PTPRM: variants seen among roughly 807,000 people sequenced by gnomAD.
The protein encoded by PTPRM is receptor-type tyrosine-protein phosphatase mu.
Under a neutral mutation model 186.7 loss-of-function variants are expected in PTPRM, and 47 were observed. That is an observed-to-expected ratio of 0.25 (90% CI 0.20 to 0.32). The LOEUF is 0.32. PTPRM is among the 10% of genes least tolerant of loss of function. The pLI, the probability that PTPRM is intolerant of heterozygous loss-of-function variation, is 1.00. For missense variants in PTPRM, 1,494 were observed against 1,865.0 expected, an observed-to-expected ratio of 0.80 and a Z score of 3.66; for synonymous variants, 668 against 674.9, an observed-to-expected ratio of 0.99 and a Z score of 0.16.
chr18:8,363,072 C>T (rs529445162), intron 23 of PTPRM, among the ~76,000 whole-genome samples: 19 of 152,326 alleles, frequency 1.2e-4, no homozygotes, highest in Non-Finnish European at 1.5e-4. Context: ...GCTTGTCATG[C>T]GCTTTCAGGG....
chr18:7,840,670 G>C (rs727951), intron 2 of PTPRM, among the ~76,000 whole-genome samples: 3 of 152,004 alleles, frequency 2.0e-5, no homozygotes, highest in Non-Finnish European at 1.5e-5. Context: ...GAAATGTGCC[G>C]TCAGTGACTA....
chr18:7,716,415 A>T (rs1339806404), intron 1 of PTPRM, among the ~76,000 whole-genome samples: 1 of 152,234 alleles, frequency 6.6e-6, no homozygotes, highest in Non-Finnish European at 1.5e-5. Flanking sequence ...ACCATTCAGG[A>T]CAGAGGCATG....
chr18:8,294,468 G>T (rs1313706704), intron 19 of PTPRM, among the ~76,000 whole-genome samples: 2 of 152,114 alleles, frequency 1.3e-5, no homozygotes, highest in East Asian at 3.9e-4. Flanking sequence ...AATCTCATGA[G>T]AACTCACTAT....
intron 7 of PTPRM, among the ~76,000 whole-genome samples, chr18:7,975,694 C>T (rs1218425584): frequency 5.3e-5 from 8 of 152,158 alleles, no homozygotes; most frequent in Non-Finnish European, 8.8e-5. Flanking sequence ...CAAATACTCT[C>T]ATTGTGTTAC....
intron 1 of PTPRM, among the ~76,000 whole-genome samples, chr18:7,685,024 A>G (rs1267137785): frequency 6.6e-6 from 1 of 152,230 alleles, no homozygotes; most frequent in Admixed American, 6.5e-5. Flanking sequence ...TGTGCCATCT[A>G]ACAACATGGC....
intron 20 of PTPRM, among the ~76,000 whole-genome samples, chr18:8,301,005 C>G (rs1373157739): frequency 6.6e-6 from 1 of 152,122 alleles, no homozygotes; most frequent in African/African-American, 2.4e-5. Context: ...ATTACCATCC[C>G]CTGCCTAAAA....
chr18:7,729,207 C>T (rs1483288589), intron 1 of PTPRM, among the ~76,000 whole-genome samples: 2 of 152,158 alleles, frequency 1.3e-5, no homozygotes, highest in African/African-American at 2.4e-5. Context: ...CACACTGGCC[C>T]CCTCCAACTT....
At chr18:7,689,780 T>C (rs2039693665) in intron 1 of PTPRM, among the ~76,000 whole-genome samples, 1 of 152,378 alleles carries the variant, frequency 6.6e-6, no homozygotes, top group South Asian at 2.1e-4. Flanking sequence ...CTCGTTAAGA[T>C]GGTAATAAGT....
At chr18:7,727,655 C>A (rs1300487759) in intron 1 of PTPRM, among the ~76,000 whole-genome samples, 1 of 152,214 alleles carries the variant, frequency 6.6e-6, no homozygotes, top group Non-Finnish European at 1.5e-5. Context: ...ATTATCATTT[C>A]TCCCAAATTT....
chr18:8,328,968 A>T (rs532444954), intron 22 of PTPRM, among the ~76,000 whole-genome samples: 39 of 152,364 alleles, frequency 2.6e-4, no homozygotes, highest in African/African-American at 9.4e-4. Flanking sequence ...AAGTTAAAAG[A>T]TGAAGTAAAA....
intron 1 of PTPRM, among the ~76,000 whole-genome samples, chr18:7,676,432 T>G (rs1041333912): frequency 6.6e-6 from 1 of 152,238 alleles, no homozygotes; most frequent in African/African-American, 2.4e-5. Flanking sequence ...TGACTTATAC[T>G]GTGTTCAGCT....
At chr18:8,271,480 A>G (rs922378985) in intron 19 of PTPRM, among the ~76,000 whole-genome samples, 8 of 151,974 alleles carry the variant, frequency 5.3e-5, no homozygotes, top group African/African-American at 1.9e-4. Flanking sequence ...TATCCTTATT[A>G]TATTTTCATA....
At chr18:7,915,018 C>T (rs956620939) in intron 4 of PTPRM, among the ~76,000 whole-genome samples, 6 of 152,156 alleles carry the variant, frequency 3.9e-5, no homozygotes, top group African/African-American at 1.2e-4. Flanking sequence ...AATTACTCTT[C>T]TCTGATTTTG....
At chr18:7,974,714 C>T (rs534012495) in intron 7 of PTPRM, among the ~76,000 whole-genome samples, 76 of 152,208 alleles carry the variant, frequency 5.0e-4, no homozygotes, top group Non-Finnish European at 8.1e-4. Flanking sequence ...TTAAAAGCAA[C>T]TGGGGAAACA....
chr18:8,304,516 T>C (rs1330312179), intron 20 of PTPRM, among the ~76,000 whole-genome samples: 1 of 152,202 alleles, frequency 6.6e-6, no homozygotes, highest in East Asian at 1.9e-4. Flanking sequence ...ATGAGACAAA[T>C]AGCAAGTCGT....
At chr18:7,784,441 G>C (rs1332175290) in intron 2 of PTPRM, among the ~76,000 whole-genome samples, 1 of 152,006 alleles carries the variant, frequency 6.6e-6, no homozygotes, top group Admixed American at 6.6e-5. Context: ...ATAGTTCCTG[G>C]AATACCTGCT....
chr18:7,902,354 C>T (rs569041769), intron 3 of PTPRM, among the ~76,000 whole-genome samples: 1 of 152,196 alleles, frequency 6.6e-6, no homozygotes, highest in Non-Finnish European at 1.5e-5. Context: ...AAATATGGGG[C>T]GAATTGGCTT....
intron 1 of PTPRM, among the ~76,000 whole-genome samples, chr18:7,679,942 C>G (rs542026512): frequency 6.6e-6 from 1 of 152,096 alleles, no homozygotes; most frequent in Non-Finnish European, 1.5e-5. Context: ...CACAGCTCAC[C>G]ACAGCCTCAA....
At chr18:7,852,391 A>G (rs547005925) in intron 2 of PTPRM, among the ~76,000 whole-genome samples, 7 of 152,114 alleles carry the variant, frequency 4.6e-5, no homozygotes, top group Non-Finnish European at 7.4e-5. Flanking sequence ...ATCCTGGGCA[A>G]CAAAGCTGGA....
Sources: allele counts gnomAD v4.1 joint callset (sites outside exome capture counted in the v4.1 genomes callset), GRCh38; gene constraint gnomAD v4.1.1; transcripts MANE v1.5; gene names NCBI Gene and HGNC (gene_info 2026-07-23, HGNC 2026-07-21).